Variants in AGMO observed in about 807,000 individuals in gnomAD.
AGMO encodes glyceryl-ether monooxygenase.
In AGMO, 75 loss-of-function variants were observed where a neutral mutation model predicts 60.2. The ratio of observed to expected loss-of-function variants is 1.25; its 90% CI spans 1.03 to 1.51. The LOEUF (loss-of-function observed/expected upper bound fraction) is 1.51, where lower values mean the gene tolerates loss of function less well. AGMO is among the 40% of genes most tolerant of loss of function. The pLI, the probability that AGMO is intolerant of heterozygous loss-of-function variation, is 0.00. For missense variants in AGMO, 763 were observed against 525.5 expected (o/e 1.45, Z -4.42); for synonymous variants, 261 against 177.1 (o/e 1.47, Z -3.76).
intron 2 of AGMO, among the ~76,000 whole-genome samples, chr7:15,547,728 G>A (rs551457501): frequency 3.9e-5 from 6 of 151,916 alleles, no homozygotes; most frequent in African/African-American, 7.3e-5. Context: ...AGGCGGCAGC[G>A]AGGCTGGGGG....
the AGMO span, among the ~76,000 whole-genome samples, chr7:15,184,058 A>C: frequency 6.6e-6 from 1 of 152,166 alleles, no homozygotes. Flanking sequence ...ATTTAATTTA[A>C]TCTCTTCATC....
intron 12 of AGMO, among the ~76,000 whole-genome samples, chr7:15,236,246 G>C (rs1782415859): frequency 6.6e-6 from 1 of 151,992 alleles, no homozygotes; most frequent in Non-Finnish European, 1.5e-5. Flanking sequence ...ATAATACTCT[G>C]TCTAGAAATA....
intron 3 of AGMO, among the ~76,000 whole-genome samples, chr7:15,446,788 G>C (rs1463162439): frequency 2.0e-5 from 3 of 152,150 alleles, no homozygotes; most frequent in Non-Finnish European, 2.9e-5. Flanking sequence ...TCTTTGTAAA[G>C]AGTTTTTATT....
rs558102108 is a variant in AGMO at position 15,424,914 on chromosome 7, A to G, written c.513+6091T>C. On this transcript the variant is annotated intron_variant, in intron 4 of 12. Transcript: ENST00000342526. Reference sequence around the variant, plus strand: ...TTTATTTGTTCACATTTGTCTTTATATAAGTCCAACTCCCACATATTGAAA... The same window carrying G: ...TTTATTTGTTCACATTTGTCTTTATGTAAGTCCAACTCCCACATATTGAAA... Among the ~76,000 whole-genome samples the G allele has an allele frequency of 6.6e-5, 10 of 152,322 alleles. 1 individual carries two copies. The East Asian group carries it at 1.9e-3, about 29-fold the overall frequency.
chr7:15,210,829 T>G (rs900867894), intron 12 of AGMO, among the ~76,000 whole-genome samples: 1 of 152,062 alleles, frequency 6.6e-6, no homozygotes, highest in Non-Finnish European at 1.5e-5. Context: ...GGTTTTAAAT[T>G]AGACCCTTTC....
intron 12 of AGMO, among the ~76,000 whole-genome samples, chr7:15,230,505 T>C (rs1421572741): frequency 6.6e-6 from 1 of 152,146 alleles, no homozygotes; most frequent in East Asian, 1.9e-4. Context: ...CACACCAGAC[T>C]TGGTGCACAG....
intron 12 of AGMO, among the ~76,000 whole-genome samples, chr7:15,202,842 T>G (rs1044421531): frequency 2.0e-5 from 3 of 151,936 alleles, no homozygotes; most frequent in Non-Finnish European, 2.9e-5. Context: ...AATACTGCGC[T>G]GGGGGGAGTA....
the AGMO span, among the ~76,000 whole-genome samples, chr7:15,132,147 A>G: frequency 1.3e-5 from 2 of 152,142 alleles, no homozygotes; most frequent in South Asian, 2.1e-4. Context: ...TACCTGGAGG[A>G]CATCAAATGA....
chr7:15,451,026 T>G (rs550585992), intron 3 of AGMO, among the ~76,000 whole-genome samples: 155 of 152,038 alleles, frequency 1.0e-3, no homozygotes, highest in African/African-American at 3.5e-3. Flanking sequence ...AAGGTAAATA[T>G]GTTAGAAAAA....
rs115164943 is a variant in AGMO at position 15,544,978 on chromosome 7, C to T, written c.258-55G>A. The T allele has an allele frequency of 2.7e-3, 3,445 of 1,270,554 alleles. 51 individuals carry two copies. The African/African-American group carries it at 0.044, about 16-fold the overall frequency. The allele number at this position is 1,270,554 out of a possible 1,614,324, so 78.7% of individuals were successfully genotyped here. A position where few individuals can be genotyped will look rare whatever the true frequency, so the allele number is the denominator to read the frequency against. ...ATATAACATTTTAGAAAAAAAATTA[C>T]GCTAAAATGTTTTAGATAACATTTA... On this transcript the variant is annotated intron_variant, in intron 2 of 12. Transcript: ENST00000342526.
At chr7:15,224,924 T>C (rs1182842655) in intron 12 of AGMO, among the ~76,000 whole-genome samples, 1 of 152,018 alleles carries the variant, frequency 6.6e-6, no homozygotes, top group Non-Finnish European at 1.5e-5. Flanking sequence ...ATTTTTTAAC[T>C]TGTGATAAAA....
intron 3 of AGMO, among the ~76,000 whole-genome samples, chr7:15,440,050 G>C: frequency 6.6e-6 from 1 of 152,198 alleles, no homozygotes; most frequent in Non-Finnish European, 1.5e-5. Flanking sequence ...GAAAGAGAAA[G>C]CGAGAGGGGG....
In AGMO at chr7:15,248,223, T is replaced by TATATATATATATATATA. The variant is rs71004372; in HGVS notation, c.1264-46865_1264-46864insTATATATATATATATAT. On this transcript the variant is annotated intron_variant, in intron 12 of 12. Transcript: ENST00000342526. ...ATATATATATATATATATATATATATATCTTCATCTTCAATTCTAGTCTAA... is the reference window on the plus strand; with the variant it reads ...ATATATATATATATATATATATATATATATATATATATATATAATCTTCATCTTCAATTCTAGTCTAA... Among the ~76,000 whole-genome samples, 46 of 111,980 alleles carry TATATATATATATATATA rather than the reference T, an allele frequency of 4.1e-4. 3 individuals carry two copies. The highest frequency in any genetic ancestry group is 7.4e-4 in the Non-Finnish European group (39 of 52,898). The allele number at this position is 111,980 out of a possible 152,430, so 73.5% of individuals were successfully genotyped here.
intron 12 of AGMO, among the ~76,000 whole-genome samples, chr7:15,252,022 G>A (rs960796875): frequency 5.3e-5 from 8 of 152,144 alleles, no homozygotes; most frequent in Admixed American, 2.0e-4. Flanking sequence ...ATTAGCATAG[G>A]CGATTGTGCT....
intron 12 of AGMO, among the ~76,000 whole-genome samples, chr7:15,264,975 T>A (rs1783389077): frequency 6.6e-6 from 1 of 152,020 alleles, no homozygotes; most frequent in African/African-American, 2.4e-5. Flanking sequence ...AGAAGACACA[T>A]GCACTCTTAC....
At chr7:15,142,742 T>C in the AGMO span, among the ~76,000 whole-genome samples, 30 of 152,246 alleles carry the variant, frequency 2.0e-4, no homozygotes, top group African/African-American at 6.5e-4. Context: ...CTAGGCTACC[T>C]TAGTGAAGTA....
the AGMO span, among the ~76,000 whole-genome samples, chr7:15,123,298 C>T: frequency 7.2e-5 from 11 of 152,082 alleles, no homozygotes; most frequent in Non-Finnish European, 1.6e-4. Context: ...GAACTTCCAA[C>T]ATCCTAAGAT....
intron 12 of AGMO, among the ~76,000 whole-genome samples, chr7:15,300,254 T>G (rs950579750): frequency 2.0e-5 from 3 of 150,424 alleles, no homozygotes; most frequent in South Asian, 2.1e-4. Context: ...CTGAGTATGT[T>G]TAGTTGCTAG....
At chr7:15,435,326 T>A (rs1352317126) in intron 3 of AGMO, among the ~76,000 whole-genome samples, 1 of 151,920 alleles carries the variant, frequency 6.6e-6, no homozygotes, top group Non-Finnish European at 1.5e-5. Flanking sequence ...TTTTTTTTTT[T>A]TATTAGTACC....
Sources: allele counts gnomAD v4.1 joint callset (sites outside exome capture counted in the v4.1 genomes callset), GRCh38; gene constraint gnomAD v4.1.1; transcripts MANE v1.5; gene names NCBI Gene and HGNC (gene_info 2026-07-23, HGNC 2026-07-21).